C2CD5: variants seen among roughly 807,000 people sequenced by gnomAD.
C2CD5 encodes C2 calcium dependent domain containing 5.
In C2CD5, 109 loss-of-function variants were observed where a neutral mutation model predicts 130.3. That is an observed-to-expected ratio of 0.84 (90% CI 0.72 to 0.98). The LOEUF is 0.98. Among genes scored for constraint, C2CD5 ranks in the 50% least tolerant of loss-of-function variants. The pLI, the probability that C2CD5 is intolerant of heterozygous loss-of-function variation, is 0.00. For missense variants in C2CD5, 996 were observed against 1,261.8 expected, an observed-to-expected ratio of 0.79 and a Z score of 3.19; for synonymous variants, 454 against 429.2, an observed-to-expected ratio of 1.06 and a Z score of -0.71.
chr12:22,538,546 A>T (rs1307659664), intron 2 of C2CD5, among the ~76,000 whole-genome samples: 1 of 152,198 alleles, frequency 6.6e-6, no homozygotes, highest in Non-Finnish European at 1.5e-5. Context: ...GAGGATTGCA[A>T]TGAGTCACTT....
chr12:22,463,407 TAGGACATTTA>T (rs1344246379), intron 22 of C2CD5: 1 of 150,018 alleles, frequency 6.7e-6, no homozygotes, highest in Non-Finnish European at 1.5e-5. Flanking sequence ...AAAAAAAAAG[TAGGACATTTA>T]AGGCCTGATT....
intron 1 of C2CD5, 43 bp from the exon 2 acceptor site, chr12:22,544,222 G>T (rs1392909219): frequency 6.7e-7 from 1 of 1,501,118 alleles, no homozygotes; most frequent in East Asian, 2.3e-5. Flanking sequence ...CGCGGGGCCG[G>T]CGGGAGAGGG....
chr12:22,458,095 T>C (rs1485813832), intron 24 of C2CD5, among the ~76,000 whole-genome samples: 3 of 152,200 alleles, frequency 2.0e-5, no homozygotes, highest in Non-Finnish European at 2.9e-5. Context: ...CCATAAATTC[T>C]TTATTAGTTT....
intron 23 of C2CD5, 133 bp from the exon 24 acceptor site, chr12:22,458,718 C>A (rs1407094273): frequency 5.2e-6 from 2 of 387,998 alleles, no homozygotes; most frequent in Non-Finnish European, 9.0e-6. Context: ...CTTTTCAAGT[C>A]AGATAAGAGA....
chr12:22,485,164 C>T (rs185921933), intron 12 of C2CD5, among the ~76,000 whole-genome samples: 1 of 152,206 alleles, frequency 6.6e-6, no homozygotes, highest in East Asian at 1.9e-4. Context: ...ACAAACATCA[C>T]TATCACCCCA....
chr12:22,542,390 A>G (rs1206721900), intron 2 of C2CD5, among the ~76,000 whole-genome samples: 1 of 152,222 alleles, frequency 6.6e-6, no homozygotes, highest in Non-Finnish European at 1.5e-5. Flanking sequence ...CTCCTTATAA[A>G]TATTACAGAA....
chr12:22,533,439 A>G lies in C2CD5; in HGVS notation c.177+1819T>C, dbSNP rs764248572. On this transcript the variant is annotated intron_variant, in intron 3 of 26. Transcript: ENST00000446597. ...TTTTGTATGTCATCTTGTTGTTCTCAAAGCCTAGTACAGTCCCTATAATCT... is the reference window on the plus strand; with the variant it reads ...TTTTGTATGTCATCTTGTTGTTCTCGAAGCCTAGTACAGTCCCTATAATCT... Among the ~76,000 whole-genome samples, 10 of 152,360 alleles carry G rather than the reference A, an allele frequency of 6.6e-5. No individual in the cohort carries two copies. In the South Asian group the frequency reaches 1.5e-3, roughly 22 times the overall value.
At chr12:22,498,167 A>G (rs550691863) in intron 10 of C2CD5, among the ~76,000 whole-genome samples, 1 of 152,184 alleles carries the variant, frequency 6.6e-6, no homozygotes. Context: ...TGAGATTATC[A>G]GTAAAATTAA....
chr12:22,542,744 A>C (rs2137428), intron 2 of C2CD5, among the ~76,000 whole-genome samples: 1,739 of 152,318 alleles, frequency 0.011, 35 homozygotes, highest in African/African-American at 0.039. Context: ...TTTGCAAGCT[A>C]TGTAACCTTA....
At position 22,504,708 on chromosome 12, in the gene C2CD5, T is replaced by C. The variant is rs565700829; in HGVS notation, c.1147+2003A>G. 9.2e-5 allele frequency among the ~76,000 whole-genome samples: 14 copies of C among 152,322 alleles called. No homozygotes were observed. In the South Asian group the frequency reaches 2.9e-3, roughly 32 times the overall value. On this transcript the variant is annotated intron_variant, in intron 10 of 26. Coordinates refer to ENST00000446597, the MANE Select transcript of C2CD5 (RefSeq NM_001286176.2). ...CAGTGGGTGCCATCTATTAAAATAT[T>C]TGAGTCAATGGTCCATAGAAACACA...
At chr12:22,479,467 A>T (rs1432630188) in intron 14 of C2CD5, among the ~76,000 whole-genome samples, 1 of 152,192 alleles carries the variant, frequency 6.6e-6, no homozygotes, top group African/African-American at 2.4e-5. Context: ...ATGAATGAGC[A>T]GATGCTCTAT....
intron 13 of C2CD5, among the ~76,000 whole-genome samples, chr12:22,483,237 T>A (rs1456162872): frequency 6.6e-6 from 1 of 152,096 alleles, no homozygotes; most frequent in Non-Finnish European, 1.5e-5. Flanking sequence ...TCTTAAAATC[T>A]CTAAAAATGA....
At chr12:22,529,922 T>C (rs1346615262) in intron 3 of C2CD5, among the ~76,000 whole-genome samples, 1 of 151,768 alleles carries the variant, frequency 6.6e-6, no homozygotes. Context: ...CAAAAGGACC[T>C]TGAATCACTT....
At position 22,525,709 on chromosome 12, in the gene C2CD5, TA is replaced by T; in HGVS notation, c.350-5del. 1 of 1,395,610 alleles carries T rather than the reference TA, an allele frequency of 7.2e-7. No individual in the cohort carries two copies. Among genetic ancestry groups the T allele is most frequent in the Non-Finnish European group, 1.0e-6 (1 of 986,664 alleles). The allele number at this position is 1,395,610 out of a possible 1,614,324, so 86.5% of individuals were successfully genotyped here. ...ACATTGATTTCCCCACGGATACCTATAAATTTAAAAAGAAAATCAAGTTTCT... is the reference window on the plus strand; with the variant it reads ...ACATTGATTTCCCCACGGATACCTATAATTTAAAAAGAAAATCAAGTTTCT... On this transcript the variant is annotated splice_polypyrimidine_tract_variant and splice_region_variant and intron_variant, in intron 4 of 26. Coordinates refer to ENST00000446597, the MANE Select transcript of C2CD5 (RefSeq NM_001286176.2).
intron 10 of C2CD5, among the ~76,000 whole-genome samples, chr12:22,503,597 A>C (rs1463794383): frequency 6.6e-6 from 1 of 151,976 alleles, no homozygotes; most frequent in Non-Finnish European, 1.5e-5. Flanking sequence ...TGCAACCTCC[A>C]TCTCTAGGGT....
intron 2 of C2CD5, among the ~76,000 whole-genome samples, chr12:22,538,468 C>T (rs577719939): frequency 6.6e-6 from 1 of 152,168 alleles, no homozygotes; most frequent in Non-Finnish European, 1.5e-5. Flanking sequence ...AAACTCCAGA[C>T]ACACTGGAGA....
chr12:22,469,747 G>A lies in C2CD5; in HGVS notation c.2495C>T (p.Ser832Leu). 1 of 1,605,912 alleles carries A rather than the reference G, an allele frequency of 6.2e-7. No individual in the cohort carries two copies. The highest frequency in any genetic ancestry group is 8.5e-7 in the Non-Finnish European group (1 of 1,176,156). Residue 832 changes from serine to leucine, a missense_variant, in exon 22 of 27, where the codon TCA (serine) becomes TTA (leucine). Physicochemically the swap from Ser to Leu is moderately radical, Grantham distance 145. Coordinates refer to ENST00000446597, the MANE Select transcript of C2CD5 (RefSeq NM_001286176.2). ...AAAAGGATGAGAAGGAAGTGAATCTGAACACAGTTCCAGTGGAAATTGTAA... is the reference window on the plus strand; with the variant it reads ...AAAAGGATGAGAAGGAAGTGAATCTAAACACAGTTCCAGTGGAAATTGTAA... Reference protein sequence around the residue: ...ELLQFPLELCSDSLPSHPFPP... With the variant: ...ELLQFPLELCLDSLPSHPFPP...
chr12:22,530,151 ATT>A (rs1426736025), intron 3 of C2CD5, among the ~76,000 whole-genome samples: 83 of 142,556 alleles, frequency 5.8e-4, no homozygotes, highest in Non-Finnish European at 1.0e-3. Flanking sequence ...GTGTATATAT[ATT>A]ATACACAACT....
In C2CD5 at chr12:22,518,058, A is replaced by T; in HGVS notation, c.880T>A (p.Phe294Ile). 1 of 1,613,930 alleles carries T rather than the reference A, an allele frequency of 6.2e-7. No homozygotes were observed. Among genetic ancestry groups the T allele is most frequent in the Non-Finnish European group, 8.5e-7 (1 of 1,179,810 alleles). ...STPLKNQTYS[F>I]SPSKSYSRQS... Reference sequence around the variant, plus strand: ...CGACTGTAGGACTTGGAAGGTGAAAAGGAATAAGTTTGGTTTTTCAGAGGG... The same window carrying T: ...CGACTGTAGGACTTGGAAGGTGAAATGGAATAAGTTTGGTTTTTCAGAGGG... The change falls in exon 8 of 27, where the codon TTT (phenylalanine) becomes ATT (isoleucine). Residue 294 changes from phenylalanine to isoleucine, a missense_variant. Phe to Ile is a conservative substitution (Grantham distance 21). This residue lies in a region of C2CD5 where 156 missense variants were observed against 165.9 expected (regional missense o/e 0.94). Coordinates refer to ENST00000446597, the MANE Select transcript of C2CD5 (RefSeq NM_001286176.2).
Sources: allele counts gnomAD v4.1 joint callset (sites outside exome capture counted in the v4.1 genomes callset), GRCh38; gene constraint gnomAD v4.1.1; regional missense constraint gnomAD v4.1.1; transcripts MANE v1.5; gene names NCBI Gene and HGNC (gene_info 2026-07-23, HGNC 2026-07-21).